Variants in USP37 observed in about 807,000 individuals in gnomAD.
USP37 encodes ubiquitin specific peptidase 37.
A neutral mutation model predicts 124.0 loss-of-function variants in USP37; 27 were observed. The ratio of observed to expected loss-of-function variants is 0.22; its 90% CI spans 0.16 to 0.30. The LOEUF (loss-of-function observed/expected upper bound fraction) is 0.30, where lower values mean the gene tolerates loss of function less well. USP37 is among the 10% of genes least tolerant of loss of function. The probability of loss-of-function intolerance (pLI) is 1.00; values close to 1 mark genes in which losing one functional copy is unlikely to be tolerated. For synonymous variants in USP37, 365 were observed against 388.0 expected, an observed-to-expected ratio of 0.94 and a Z score of 0.70; for missense variants, 889 against 1,140.4, an observed-to-expected ratio of 0.78 and a Z score of 3.17.
At position 218,453,318 on chromosome 2, in the gene USP37, A is replaced by T. The variant is rs776649478; in HGVS notation, c.*1612T>A. On this transcript the variant is annotated 3_prime_UTR_variant, in exon 26 of 26. Transcript: ENST00000258399. ...CACTCTGTCACTCAGACTGCAGTGCAATGATGCGATCTCAGCTCACTGCAA... is the reference window on the plus strand; with the variant it reads ...CACTCTGTCACTCAGACTGCAGTGCTATGATGCGATCTCAGCTCACTGCAA... The T allele has an allele frequency of 6.6e-6, 1 of 151,910 alleles. No individual in the cohort carries two copies. The highest frequency in any genetic ancestry group is 1.5e-5 in the Non-Finnish European group (1 of 67,990). The allele number at this position is 151,910 out of a possible 1,614,324, so 9.4% of individuals were successfully genotyped here.
chr2:218,451,141 G>T lies in USP37; in HGVS notation c.*3789C>A, dbSNP rs1689467166. On this transcript the variant is annotated 3_prime_UTR_variant, in exon 26 of 26. Coordinates refer to ENST00000258399, the MANE Select transcript of USP37 (RefSeq NM_020935.3). The stretch of plus-strand genomic sequence containing the variant: ...GGATTTTGAAGTAATGCAATAAAAA[G>T]ATGTTGGAGGGCAGAAGTCTATTTA... 1 of 152,144 alleles carries T rather than the reference G, an allele frequency of 6.6e-6. No homozygotes were observed. 9.4% of individuals were successfully genotyped at this position (152,144 alleles called of 1,614,324 possible).
Position 218,553,663 on chromosome 2 carries a change from A to G in USP37, c.218T>C (p.Met73Thr). 6.2e-7 allele frequency: 1 copy of G among 1,614,094 alleles called. No homozygotes were observed. Among genetic ancestry groups the G allele is most frequent in the Non-Finnish European group, 8.5e-7 (1 of 1,179,970 alleles). Residue 73 changes from methionine to threonine, a missense_variant, in exon 5 of 26, where the codon ATG (methionine) becomes ACG (threonine). Met to Thr is a moderately conservative substitution (Grantham distance 81). Transcript: ENST00000258399. ...RPSGAKQSRL[M>T]LTLQDNSFLS... ...GAAGCTGTTATCTTGCAGAGTTAAC[A>G]TTAGGCGGCTTTGTTTCGCTCCACT...
intron 20 of USP37, among the ~76,000 whole-genome samples, chr2:218,466,873 A>AG (rs1690355459): frequency 6.6e-6 from 1 of 151,826 alleles, no homozygotes; most frequent in Non-Finnish European, 1.5e-5. Context: ...AGCTGGGATT[A>AG]CAGGTGCACG....
chr2:218,525,882 C>G (rs745598233), intron 10 of USP37, among the ~76,000 whole-genome samples: 4 of 152,148 alleles, frequency 2.6e-5, no homozygotes, highest in African/African-American at 4.8e-5. Flanking sequence ...TTGTTCTACT[C>G]TATATGTCCA....
chr2:218,506,605 CTT>C (rs35770553), intron 11 of USP37, among the ~76,000 whole-genome samples: 2 of 136,224 alleles, frequency 1.5e-5, no homozygotes, highest in African/African-American at 2.7e-5. Flanking sequence ...TTTTATACTT[CTT>C]TTTTTTTTTT....
intron 11 of USP37, among the ~76,000 whole-genome samples, chr2:218,498,735 TA>T (rs1199657524): frequency 3.3e-5 from 5 of 151,902 alleles, no homozygotes; most frequent in Non-Finnish European, 7.4e-5. Flanking sequence ...TCAAAATAAA[TA>T]AAATAAATAA....
At chr2:218,461,845 A>G (rs1255777761) in intron 22 of USP37, among the ~76,000 whole-genome samples, 1 of 152,048 alleles carries the variant, frequency 6.6e-6, no homozygotes, top group East Asian at 1.9e-4. Context: ...CTCCATCTCT[A>G]CTAAAATGAA....
At chr2:218,529,535 C>T (rs1022585770) in intron 10 of USP37, among the ~76,000 whole-genome samples, 10 of 151,264 alleles carry the variant, frequency 6.6e-5, no homozygotes, top group Non-Finnish European at 1.5e-4. Flanking sequence ...TGGTTCAACA[C>T]TTATAACCCT....
intron 17 of USP37, among the ~76,000 whole-genome samples, chr2:218,480,819 C>T (rs370751757): frequency 1.4e-4 from 21 of 152,286 alleles, no homozygotes; most frequent in African/African-American, 3.8e-4. Flanking sequence ...ATAGCTCTAC[C>T]AGCAGAAGGT....
intron 5 of USP37, 131 bp downstream of exon 5, chr2:218,553,422 G>T: frequency 1.2e-6 from 1 of 809,934 alleles, no homozygotes; most frequent in Non-Finnish European, 1.7e-6. Flanking sequence ...TGAATTTCAG[G>T]AATAAATCTT....
intron 8 of USP37, among the ~76,000 whole-genome samples, chr2:218,544,407 ATATATAT>A (rs1345200196): frequency 9.3e-5 from 7 of 75,648 alleles, no homozygotes; most frequent in Non-Finnish European, 1.1e-4. Flanking sequence ...AAAAAAAAAA[ATATATAT>A]ATATATATAT....
At chr2:218,519,762 C>T (rs1690498834) in intron 10 of USP37, among the ~76,000 whole-genome samples, 1 of 151,530 alleles carries the variant, frequency 6.6e-6, no homozygotes, top group African/African-American at 2.4e-5. Flanking sequence ...GCAGAGGTTG[C>T]AGTGGCTAAT....
chr2:218,527,480 G>A (rs911625078), intron 10 of USP37, among the ~76,000 whole-genome samples: 9 of 152,158 alleles, frequency 5.9e-5, no homozygotes, highest in South Asian at 4.1e-4. Context: ...CCTGGCTCTC[G>A]TTTGTGTTCT....
At chr2:218,488,531 AC>A in intron 14 of USP37, 110 bp from the exon 15 acceptor site, 1 of 652,222 alleles carries the variant, frequency 1.5e-6, no homozygotes, top group Non-Finnish European at 2.6e-6. Context: ...ACACACTATC[AC>A]CAGGCATAAG....
chr2:218,497,444 A>G lies in USP37; in HGVS notation c.1281+290T>C, dbSNP rs1402046892. On this transcript the variant is annotated intron_variant, in intron 13 of 25. Transcript: ENST00000258399. ...AGTCTTGCTCTGTCACCCAGGCTAT[A>G]GTGCAGTGGTATGATCTTGGCTCAC... 2.0e-5 allele frequency among the ~76,000 whole-genome samples: 3 copies of G among 151,774 alleles called. No individual in the cohort carries two copies. In the East Asian group the frequency reaches 5.8e-4, roughly 29 times the overall value.
chr2:218,509,457 T>C (rs565732946), intron 11 of USP37, among the ~76,000 whole-genome samples: 3 of 152,150 alleles, frequency 2.0e-5, no homozygotes, highest in Non-Finnish European at 4.4e-5. Flanking sequence ...CTTTAGGTAA[T>C]AGAGCTACTG....
In USP37 at chr2:218,558,659, C is replaced by T; in HGVS notation, c.-6G>A. ...TGTATCTTCAGAGGAGACATATTTT[C>T]TTTAAAAATTGCTTCTGGCTAAATT... On this transcript the variant is annotated 5_prime_UTR_variant, in exon 4 of 26. Transcript: ENST00000258399. The T allele has an allele frequency of 6.3e-7, 1 of 1,583,504 alleles. No individual in the cohort carries two copies. Among genetic ancestry groups the T allele is most frequent in the African/African-American group, 1.4e-5 (1 of 73,638 alleles).
rs746757293 is a variant in USP37, at chr2:218,558,697, T to C, written c.-24-20A>G. On this transcript the variant is annotated intron_variant, in intron 3 of 25. Coordinates refer to ENST00000258399, the MANE Select transcript of USP37 (RefSeq NM_020935.3). ...TTCTGGCTAAATTAAAAAGCAAAAATATACCTTTACCTGGCAGGTTCTAAG... is the reference window on the plus strand; with the variant it reads ...TTCTGGCTAAATTAAAAAGCAAAAACATACCTTTACCTGGCAGGTTCTAAG... The C allele has an allele frequency of 2.6e-5, 41 of 1,548,536 alleles. No individual in the cohort carries two copies. Among genetic ancestry groups the C allele is most frequent in the Middle Eastern group, 3.4e-4 (2 of 5,824 alleles).
intron 10 of USP37, among the ~76,000 whole-genome samples, chr2:218,516,546 G>T (rs1025866486): frequency 2.0e-5 from 3 of 152,012 alleles, no homozygotes; most frequent in Non-Finnish European, 4.4e-5. Flanking sequence ...GTCAGGGGAT[G>T]GGGGGCAAGG....
Sources: gnomAD v4.1 joint callset for allele counts (sites outside exome capture counted in the v4.1 genomes callset) on GRCh38, gnomAD v4.1.1 for gene constraint, MANE v1.5 for transcripts, NCBI Gene and HGNC (gene_info 2026-07-23, HGNC 2026-07-21) for gene names.